Variants in RCAN3 observed in about 807,000 individuals in gnomAD.
RCAN3 encodes the protein regulator of calcineurin 3, also known as calcipressin-3.
Under a neutral mutation model 21.9 loss-of-function variants are expected in RCAN3, and 19 were observed. That is an observed-to-expected ratio of 0.87 (90% confidence interval 0.61 to 1.27). The LOEUF is 1.27. Among genes scored for constraint, RCAN3 ranks in the 50% most tolerant of loss-of-function variants. RCAN3 has a pLI of 0.00. For synonymous variants in RCAN3, 114 were observed against 112.3 expected (o/e 1.01, Z -0.09); for missense variants, 240 against 300.1 (o/e 0.80, Z 1.48).
chr1:24,535,149 G>A lies in RCAN3; in HGVS notation c.598G>A (p.Val200Ile). 1 of 1,597,966 alleles carries A rather than the reference G, an allele frequency of 6.3e-7. No individual in the cohort carries two copies. The highest frequency in any genetic ancestry group is 2.3e-5 in the East Asian group (1 of 43,594). The change falls in exon 5 of 5, where the codon GTC becomes ATC. Residue 200 changes from valine to isoleucine, a missense_variant. Coordinates refer to ENST00000374395, the MANE Select transcript of RCAN3 (RefSeq NM_013441.4). ...TESTPSVVVHVCESETEEEEE... is the reference protein window; with the variant it reads ...TESTPSVVVHICESETEEEEE... ...GTCGACACCCAGCGTGGTGGTTCAT[G>A]TCTGTGAAAGTGAAACTGAAGAGGA...
At chr1:24,505,211 G>GTTTTT (rs796108173) in intron 1 of RCAN3, among the ~76,000 whole-genome samples, 1 of 89,708 alleles carries the variant, frequency 1.1e-5, no homozygotes, top group Non-Finnish European at 2.6e-5. Context: ...TTGTTGCTTT[G>GTTTTT]TTTTTTTTTT....
At chr1:24,504,972 C>A (rs968064569) in intron 1 of RCAN3, among the ~76,000 whole-genome samples, 1 of 152,158 alleles carries the variant, frequency 6.6e-6, no homozygotes, top group African/African-American at 2.4e-5. Flanking sequence ...TATAACAGGA[C>A]CAATTCTAGG....
Position 24,510,039 on chromosome 1 carries a change from CT to C in RCAN3, c.-59-4268del, listed in dbSNP as rs1272078890. Among the ~76,000 whole-genome samples, 9 of 152,242 alleles carry C rather than the reference CT, an allele frequency of 5.9e-5. No homozygotes were observed. The East Asian group carries it at 1.7e-3, about 29-fold the overall frequency. On this transcript the variant is annotated intron_variant, in intron 1 of 4. Coordinates refer to ENST00000374395, the MANE Select transcript of RCAN3 (RefSeq NM_013441.4). ...GAACAATGTTTTGAAAGGGATCTCTCTTTTTTTCTTAGCAGTAGGTCTCAAG... is the reference window on the plus strand; with the variant it reads ...GAACAATGTTTTGAAAGGGATCTCTCTTTTTTCTTAGCAGTAGGTCTCAAG...
chr1:24,513,805 C>T lies in RCAN3; in HGVS notation c.-59-509C>T, dbSNP rs553247225. ...GCTTTTGATTCTGTGTAACTTAATT[C>T]TTTCAAGTGTATTCAAAAAGAACAA... On this transcript the variant is annotated intron_variant, in intron 1 of 4. Transcript: ENST00000374395. 2.6e-4 allele frequency among the ~76,000 whole-genome samples: 40 copies of T among 152,304 alleles called. 1 individual carries two copies. The South Asian group carries it at 4.4e-3, about 17-fold the overall frequency.
At chr1:24,516,057 C>T (rs1185985145) in intron 2 of RCAN3, among the ~76,000 whole-genome samples, 3 of 152,008 alleles carry the variant, frequency 2.0e-5, no homozygotes, top group East Asian at 1.9e-4. Flanking sequence ...ACAGGAGAAT[C>T]GCTTGAACCT....
At chr1:24,522,777 A>G (rs1417807522) in intron 2 of RCAN3, among the ~76,000 whole-genome samples, 1 of 152,042 alleles carries the variant, frequency 6.6e-6, no homozygotes, top group Non-Finnish European at 1.5e-5. Context: ...GCTGTTCCAG[A>G]CTCTCAAAAT....
chr1:24,534,553 GCCGAGGTCGCA>G (rs370437756), intron 4 of RCAN3, among the ~76,000 whole-genome samples: 2,015 of 152,058 alleles, frequency 0.013, 17 homozygotes, highest in Middle Eastern at 0.031. Context: ...CTTGCAGTGA[GCCGAGGTCGCA>G]CCACTGCACT....
intron 2 of RCAN3, among the ~76,000 whole-genome samples, chr1:24,517,389 T>C (rs1648426257): frequency 6.6e-6 from 1 of 152,176 alleles, no homozygotes; most frequent in African/African-American, 2.4e-5. Context: ...AGTGCTGGTA[T>C]TACAGGCGTG....
intron 2 of RCAN3, 65 bp downstream of exon 2, chr1:24,514,632 CAG>C (rs1648148974): frequency 1.4e-6 from 2 of 1,462,294 alleles, no homozygotes; most frequent in Admixed American, 3.9e-5. Flanking sequence ...TTTGGGGAAA[CAG>C]AGCTTGACTG....
chr1:24,533,173 C>G lies in RCAN3; in HGVS notation c.460C>G (p.Pro154Ala), dbSNP rs773447065. Residue 154 changes from proline (P) to alanine (A), a missense_variant, in exon 4 of 5, where the codon CCG becomes GCG. Pro to Ala is a conservative substitution (Grantham distance 27). Transcript: ENST00000374395. ...QFLISPPASP[P>A]VGWKQSEDAM... is the part of the protein sequence containing the mutation. ...CCTCATCTCCCCTCCAGCCTCTCCC[C>G]CGGTGGGGTGGAAGCAGAGCGAAGA... 2.5e-6 allele frequency: 4 copies of G among 1,607,592 alleles called. No homozygotes were observed. Among genetic ancestry groups the G allele is most frequent in the South Asian group, 1.1e-5 (1 of 89,966 alleles).
At chr1:24,533,374 G>C (rs1649957064) in intron 4 of RCAN3, 120 bp downstream of exon 4, 2 of 743,098 alleles carry the variant, frequency 2.7e-6, no homozygotes, top group South Asian at 7.1e-5. Context: ...AACACACCTG[G>C]GTTCAGATTC....
rs570776255 is a variant in RCAN3 at position 24,527,800 on chromosome 1, C to G, written c.196-3418C>G. On this transcript the variant is annotated intron_variant, in intron 2 of 4. Coordinates refer to ENST00000374395, the MANE Select transcript of RCAN3 (RefSeq NM_013441.4). ...ATTTTATTGCATTTCATTTATTAAA[C>G]TATTGCCTAAATATGTTTTCTGTAA... Among the ~76,000 whole-genome samples the G allele has an allele frequency of 2.6e-5, 4 of 152,264 alleles. No individual in the cohort carries two copies. In the South Asian group the frequency reaches 8.3e-4, roughly 32 times the overall value.
rs1373272338 is a variant in RCAN3, at chr1:24,531,353, G to A, written c.331G>A (p.Asp111Asn). The A allele has an allele frequency of 6.2e-7, 1 of 1,613,664 alleles. No individual in the cohort carries two copies. Among genetic ancestry groups the A allele is most frequent in the South Asian group, 1.1e-5 (1 of 91,024 alleles). Residue 111 changes from aspartate (D) to asparagine (N), a missense_variant, in exon 3 of 5, where the codon GAC becomes AAC. Coordinates refer to ENST00000374395, the MANE Select transcript of RCAN3 (RefSeq NM_013441.4). ...ARARIELHET[D>N]FNGQKLKLYF... ...AGCGCGAATAGAACTCCACGAAACA[G>A]ACTTCAATGGGCAGAAGCTAAAGCT...
In RCAN3 at chr1:24,536,282, A is replaced by AT. The variant is rs1222494716; in HGVS notation, c.*1010dup. 1 of 152,186 alleles carries AT rather than the reference A, an allele frequency of 6.6e-6. No individual in the cohort carries two copies. The highest frequency in any genetic ancestry group is 1.5e-5 in the Non-Finnish European group (1 of 68,030). The allele number at this position is 152,186 out of a possible 1,614,324, so 9.4% of individuals were successfully genotyped here. Reference sequence around the variant, plus strand: ...CCATTTGTAAATTGTCCATTTAACCATTTTTCAGCTTGCTTTGAAACAAAA... The same window carrying AT: ...CCATTTGTAAATTGTCCATTTAACCATTTTTTCAGCTTGCTTTGAAACAAAA... On this transcript the variant is annotated 3_prime_UTR_variant, in exon 5 of 5. Coordinates refer to ENST00000374395, the MANE Select transcript of RCAN3 (RefSeq NM_013441.4).
chr1:24,518,398 G>A (rs1035201242), intron 2 of RCAN3, among the ~76,000 whole-genome samples: 4 of 152,130 alleles, frequency 2.6e-5, no homozygotes, highest in Non-Finnish European at 5.9e-5. Flanking sequence ...AGAAAAATAG[G>A]TGGAGAAAAG....
At chr1:24,521,348 T>G (rs1648787415) in intron 2 of RCAN3, among the ~76,000 whole-genome samples, 1 of 152,138 alleles carries the variant, frequency 6.6e-6, no homozygotes, top group African/African-American at 2.4e-5. Flanking sequence ...GAAAATTGCT[T>G]GAGCGCAGGA....
intron 1 of RCAN3, among the ~76,000 whole-genome samples, chr1:24,506,322 A>G (rs1180101572): frequency 2.6e-5 from 4 of 152,242 alleles, no homozygotes; most frequent in African/African-American, 7.2e-5. Context: ...TAATTTGACA[A>G]TAATCTAAAG....
chr1:24,529,161 A>G (rs1232107945), intron 2 of RCAN3, among the ~76,000 whole-genome samples: 1 of 152,138 alleles, frequency 6.6e-6, no homozygotes, highest in Non-Finnish European at 1.5e-5. Context: ...TAATCCCAGC[A>G]CTTTGGGAGG....
chr1:24,529,210 C>G (rs1649534688), intron 2 of RCAN3, among the ~76,000 whole-genome samples: 3 of 149,820 alleles, frequency 2.0e-5, no homozygotes, highest in African/African-American at 2.5e-5. Context: ...AGTTCCAGAC[C>G]AGCCTGGGCA....
Sources: allele counts gnomAD v4.1 joint callset (sites outside exome capture counted in the v4.1 genomes callset), GRCh38; gene constraint gnomAD v4.1.1; transcripts MANE v1.5; gene names NCBI Gene and HGNC (gene_info 2026-07-23, HGNC 2026-07-21).